Variants in GABARAPL1 observed in about 807,000 individuals in gnomAD.
GABARAPL1 encodes gamma-aminobutyric acid receptor-associated protein-like 1.
In GABARAPL1, 4 loss-of-function variants were observed where a neutral mutation model predicts 14.5. That is an observed-to-expected ratio of 0.28 (90% CI 0.14 to 0.63). The LOEUF is 0.63. Ranked by LOEUF, GABARAPL1 falls within the 30% of genes least tolerant of loss-of-function variation. GABARAPL1 has a pLI of 0.84. For missense variants in GABARAPL1, 82 were observed against 139.2 expected (o/e 0.59, Z 2.07); for synonymous variants, 47 against 50.6 (o/e 0.93, Z 0.30).
At chr12:10,220,287 A>G (rs372009344) in intron 2 of GABARAPL1, among the ~76,000 whole-genome samples, 153 bp from the exon 3 acceptor site, 3 of 152,326 alleles carry the variant, frequency 2.0e-5, no homozygotes, top group East Asian at 3.9e-4. Flanking sequence ...TGAAAGCTCC[A>G]GGCCGGTATT....
intron 2 of GABARAPL1, among the ~76,000 whole-genome samples, chr12:10,218,396 C>T (rs552254392): frequency 1.3e-5 from 2 of 152,064 alleles, no homozygotes; most frequent in Non-Finnish European, 2.9e-5. Flanking sequence ...CAGTGAAACC[C>T]CGTTTCTACT....
intron 1 of GABARAPL1, chr12:10,213,695 A>G (rs576947040): frequency 7.4e-5 from 26 of 352,522 alleles, no homozygotes; most frequent in Non-Finnish European, 1.2e-4. Flanking sequence ...CTCTCATATC[A>G]TTGGTCTTGG....
chr12:10,213,098 G>C lies in GABARAPL1; in HGVS notation c.-32G>C. The stretch of plus-strand genomic sequence containing the variant: ...GTCAGCGGCGAAGGAGGCAGGCCCC[G>C]CGCGGGGATCTCGGAAGCCCTGCGG... On this transcript the variant is annotated 5_prime_UTR_variant, in exon 1 of 4. Coordinates refer to ENST00000266458, the MANE Select transcript of GABARAPL1 (RefSeq NM_031412.4). The C allele has an allele frequency of 7.1e-7, 1 of 1,405,626 alleles. No homozygotes were observed. 87.1% of individuals were successfully genotyped at this position (1,405,626 alleles called of 1,614,324 possible). A position where few individuals can be genotyped will look rare whatever the true frequency, so the allele number is the denominator to read the frequency against.
Position 10,213,017 on chromosome 12 carries a change from A to C in GABARAPL1, c.-113A>C. Reference sequence around the variant, plus strand: ...CCCAGCGCTGTTGCCCCCGGAGCGGACGTTTCTGCAGCTATTCTGAGCACA... The same window carrying C: ...CCCAGCGCTGTTGCCCCCGGAGCGGCCGTTTCTGCAGCTATTCTGAGCACA... On this transcript the variant is annotated 5_prime_UTR_variant, in exon 1 of 4. Coordinates refer to ENST00000266458, the MANE Select transcript of GABARAPL1 (RefSeq NM_031412.4). 4.1e-5 allele frequency: 21 copies of C among 518,188 alleles called. No homozygotes were observed. Among genetic ancestry groups the C allele is most frequent in the Non-Finnish European group, 7.1e-5 (19 of 266,870 alleles). The allele number at this position is 518,188 out of a possible 1,614,324, so 32.1% of individuals were successfully genotyped here.
intron 2 of GABARAPL1, among the ~76,000 whole-genome samples, chr12:10,218,784 C>A (rs1274066401): frequency 6.6e-6 from 1 of 151,512 alleles, no homozygotes; most frequent in Non-Finnish European, 1.5e-5. Context: ...TCTTGGCTCA[C>A]TGCAACCTCC....
rs1185471957 is a variant in GABARAPL1 at position 10,222,742 on chromosome 12, A to C, written c.*890A>C. ...GTAGGGAGGGGGCAAGTATGAAGTA[A>C]GGTAATTATATACTACTCTCATTCA... On this transcript the variant is annotated 3_prime_UTR_variant, in exon 4 of 4. Transcript: ENST00000266458. 6.6e-6 allele frequency: 1 copy of C among 152,180 alleles called. No homozygotes were observed. The highest frequency in any genetic ancestry group is 1.5e-5 in the Non-Finnish European group (1 of 68,046). The allele number at this position is 152,180 out of a possible 1,614,324, so 9.4% of individuals were successfully genotyped here. A position where few individuals can be genotyped will look rare whatever the true frequency, so the allele number is the denominator to read the frequency against.
At chr12:10,220,078 G>C (rs1380640034) in intron 2 of GABARAPL1, among the ~76,000 whole-genome samples, 2 of 152,190 alleles carry the variant, frequency 1.3e-5, no homozygotes, top group African/African-American at 4.8e-5. Context: ...TCTGGGGATG[G>C]AAAGAGTTTC....
chr12:10,221,099 T>C (rs1341281927), intron 3 of GABARAPL1: 9 of 985,242 alleles, frequency 9.1e-6, no homozygotes, highest in Non-Finnish European at 1.1e-5. Context: ...ACCACATTGA[T>C]ACTAAACAAG....
Position 10,217,338 on chromosome 12 carries a change from C to T in GABARAPL1, c.91-725C>T, listed in dbSNP as rs115704905. On this transcript the variant is annotated intron_variant, in intron 1 of 3. Coordinates refer to ENST00000266458, the MANE Select transcript of GABARAPL1 (RefSeq NM_031412.4). ...GAAATTTTGACAAAGATTTAAACCACGTTATTGGTACCTTTAATAAATGGT... is the reference window on the plus strand; with the variant it reads ...GAAATTTTGACAAAGATTTAAACCATGTTATTGGTACCTTTAATAAATGGT... Among the ~76,000 whole-genome samples, 1,334 of 152,254 alleles carry T rather than the reference C, an allele frequency of 8.8e-3. 14 individuals are homozygous for T. The highest frequency in any genetic ancestry group is 0.03 in the African/African-American group (1,240 of 41,550).
chr12:10,219,193 C>T (rs1949106386), intron 2 of GABARAPL1, among the ~76,000 whole-genome samples: 1 of 151,798 alleles, frequency 6.6e-6, no homozygotes, highest in Non-Finnish European at 1.5e-5. Context: ...TTGTTGGGCA[C>T]CTGTAATCCC....
At chr12:10,215,092 G>A (rs865919885) in intron 1 of GABARAPL1, among the ~76,000 whole-genome samples, 3 of 152,112 alleles carry the variant, frequency 2.0e-5, no homozygotes, top group Non-Finnish European at 4.4e-5. Context: ...TAGTTATGAC[G>A]CAGGTTCCTT....
chr12:10,222,090 T>C lies in GABARAPL1; in HGVS notation c.*238T>C, dbSNP rs1352521784. ...GACAGAGCTGTTGGATTGGCTTTGA[T>C]AGAGGAATGGGGATGATGTAAGTTT... On this transcript the variant is annotated 3_prime_UTR_variant, in exon 4 of 4. Coordinates refer to ENST00000266458, the MANE Select transcript of GABARAPL1 (RefSeq NM_031412.4). The C allele has an allele frequency of 1.3e-5, 7 of 529,714 alleles. No individual in the cohort carries two copies. Among genetic ancestry groups the C allele is most frequent in the South Asian group, 6.4e-5 (3 of 46,946 alleles). The allele number at this position is 529,714 out of a possible 1,614,324, so 32.8% of individuals were successfully genotyped here. A position where few individuals can be genotyped will look rare whatever the true frequency, so the allele number is the denominator to read the frequency against.
intron 1 of GABARAPL1, chr12:10,213,810 A>ACAGC (rs1949072387): frequency 2.2e-6 from 1 of 455,812 alleles, no homozygotes; most frequent in Non-Finnish European, 4.4e-6. Flanking sequence ...TCTCTGCCCA[A>ACAGC]CAGCCCTCTT....
chr12:10,212,922 A>T lies in GABARAPL1; in HGVS notation c.-208A>T, dbSNP rs1949065217. The T allele has an allele frequency of 1.9e-6, 1 of 522,002 alleles. No individual in the cohort carries two copies. The highest frequency in any genetic ancestry group is 3.4e-5 in the East Asian group (1 of 29,128). 32.3% of individuals were successfully genotyped at this position (522,002 alleles called of 1,614,324 possible). A position where few individuals can be genotyped will look rare whatever the true frequency, so the allele number is the denominator to read the frequency against. On this transcript the variant is annotated 5_prime_UTR_variant, in exon 1 of 4. Coordinates refer to ENST00000266458, the MANE Select transcript of GABARAPL1 (RefSeq NM_031412.4). ...AGCGAAAAGCCGCCGGTATTTCTCC[A>T]TCTGGCTCTCCTCTACCTCCAGGCA...
intron 3 of GABARAPL1, 163 bp downstream of exon 3, chr12:10,220,721 T>A: frequency 6.5e-7 from 1 of 1,532,226 alleles, no homozygotes; most frequent in Non-Finnish European, 8.8e-7. Flanking sequence ...AGAGATTAGA[T>A]ACCTCTTGTT....
At chr12:10,221,391 C>T (rs1949119654) in intron 3 of GABARAPL1, 2 of 972,228 alleles carry the variant, frequency 2.1e-6, no homozygotes, top group East Asian at 1.1e-4. Context: ...GCTTCCTTCT[C>T]ATTGTGCTCC....
rs1244364459 is a variant in GABARAPL1 at position 10,221,283 on chromosome 12, T to C, written c.289-504T>C. ...TTATGTGATGTGGTTTAATTGGAAGTGTCAGAATCTGAGGAAACTATAGTG... is the reference window on the plus strand; with the variant it reads ...TTATGTGATGTGGTTTAATTGGAAGCGTCAGAATCTGAGGAAACTATAGTG... On this transcript the variant is annotated intron_variant, in intron 3 of 3. Transcript: ENST00000266458. 4.2e-6 allele frequency: 4 copies of C among 963,832 alleles called. No individual in the cohort carries two copies. The Admixed American group carries it at 2.5e-4, about 59-fold the overall frequency. 59.7% of individuals were successfully genotyped at this position (963,832 alleles called of 1,614,324 possible). A position where few individuals can be genotyped will look rare whatever the true frequency, so the allele number is the denominator to read the frequency against.
intron 1 of GABARAPL1, among the ~76,000 whole-genome samples, chr12:10,217,001 G>A (rs1435245596): frequency 1.3e-5 from 2 of 151,976 alleles, no homozygotes; most frequent in African/African-American, 4.8e-5. Context: ...AGTATATAAC[G>A]TAGACATAAA....
rs570460259 is a variant in GABARAPL1, at chr12:10,220,492, C to T, written c.222C>T (p.Asp74=). 2.0e-5 allele frequency: 32 copies of T among 1,613,598 alleles called. No homozygotes were observed. Among genetic ancestry groups the T allele is most frequent in the South Asian group, 1.6e-4 (15 of 91,052 alleles). Residue 74 remains aspartate (D), a synonymous_variant, in exon 3 of 4, where the codon GAC becomes GAT. Transcript: ENST00000266458. ...IRKRIHLRPE[D]ALFFFVNNTI... ...AGAGAATCCACCTGAGACCTGAGGA[C>T]GCCTTATTCTTCTTTGTCAACAACA...
Sources: allele counts gnomAD v4.1 joint callset (sites outside exome capture counted in the v4.1 genomes callset), GRCh38; gene constraint gnomAD v4.1.1; transcripts MANE v1.5; gene names NCBI Gene and HGNC (gene_info 2026-07-23, HGNC 2026-07-21).